MASTL: variants seen among roughly 807,000 people sequenced by gnomAD.
MASTL encodes the protein serine/threonine-protein kinase greatwall.
Under a neutral mutation model 82.5 loss-of-function variants are expected in MASTL, and 54 were observed. The ratio of observed to expected loss-of-function variants is 0.65; its 90% CI spans 0.53 to 0.82. The LOEUF is 0.82. MASTL is among the 40% of genes least tolerant of loss of function. The probability of loss-of-function intolerance (pLI) is 0.00; values close to 1 mark genes in which losing one functional copy is unlikely to be tolerated. For synonymous variants in MASTL, 323 were observed against 368.9 expected (o/e 0.88, Z 1.43); for missense variants, 950 against 1,047.8 (o/e 0.91, Z 1.29).
chr10:27,159,802 A>C lies in MASTL; in HGVS notation c.464+44A>C. On this transcript the variant is annotated intron_variant, in intron 3 of 11. Coordinates refer to ENST00000375940, the MANE Select transcript of MASTL (RefSeq NM_001172303.3). The surrounding 1 kb of genome is among the most constrained non-coding windows in gnomAD (Gnocchi z 4.0). ...AAATTATTACTTAAAAATTCAAGTAATCAAATTACATATTTGAGTCTCAGA... is the reference window on the plus strand; with the variant it reads ...AAATTATTACTTAAAAATTCAAGTACTCAAATTACATATTTGAGTCTCAGA... The C allele has an allele frequency of 6.6e-7, 1 of 1,526,364 alleles. No individual in the cohort carries two copies. The highest frequency in any genetic ancestry group is 9.1e-7 in the Non-Finnish European group (1 of 1,103,352). The allele number at this position is 1,526,364 out of a possible 1,614,324, so 94.6% of individuals were successfully genotyped here.
At chr10:27,168,721 G>C (rs2057818249) in intron 7 of MASTL, among the ~76,000 whole-genome samples, 1 of 152,080 alleles carries the variant, frequency 6.6e-6, no homozygotes, top group African/African-American at 2.4e-5. Context: ...GGAGGCTGAG[G>C]CAGGAGAATT....
chr10:27,179,888 TAGTC>T (rs2058218564), intron 9 of MASTL, among the ~76,000 whole-genome samples: 2 of 152,214 alleles, frequency 1.3e-5, no homozygotes, highest in Admixed American at 6.5e-5. Context: ...AATTGAGTAG[TAGTC>T]TGCCTATTTT....
At chr10:27,181,376 A>G in intron 10 of MASTL, 104 bp from the exon 11 acceptor site, 1 of 841,092 alleles carries the variant, frequency 1.2e-6, no homozygotes, top group South Asian at 1.4e-5. Context: ...GGGTGACAAG[A>G]GTGAAACTCC....
chr10:27,165,010 C>T, intron 4 of MASTL, 54 bp from the exon 5 acceptor site: 1 of 1,112,016 alleles, frequency 9.0e-7, no homozygotes, highest in Admixed American at 1.7e-5. Context: ...CATTTTTAGT[C>T]AATGGGAGGT....
rs142563358 is a variant in MASTL at position 27,170,336 on chromosome 10, A to G, written c.1377A>G (p.Ile459Met). ...ACTCCAGTCCTTGTAAAAAAATTAT[A>G]CAGAATAAAAAAACTTGTGTAGAGT... The part of the protein sequence containing the change: ...LVDSSPCKKI[I>M]QNKKTCVEYK... The change falls in exon 8 of 12, where the codon ATA becomes ATG. Residue 459 changes from isoleucine to methionine, a missense_variant. Transcript: ENST00000375940. The G allele has an allele frequency of 1.9e-6, 3 of 1,613,480 alleles. No individual in the cohort carries two copies. The African/African-American group carries it at 4.0e-5, about 22-fold the overall frequency.
chr10:27,162,640 GC>G (rs1348048323), intron 4 of MASTL, among the ~76,000 whole-genome samples: 1 of 151,970 alleles, frequency 6.6e-6, no homozygotes, highest in Non-Finnish European at 1.5e-5. Context: ...CTGCACTCTA[GC>G]CTGGGGGACA....
intron 10 of MASTL, 132 bp from the exon 11 acceptor site, chr10:27,181,348 G>A (rs957971690): frequency 3.0e-5 from 21 of 703,428 alleles, no homozygotes; most frequent in Admixed American, 2.1e-5. Flanking sequence ...CTGAGATCAC[G>A]CTTTTGCACT....
chr10:27,169,521 G>T (rs2057849043), intron 7 of MASTL, among the ~76,000 whole-genome samples: 1 of 150,158 alleles, frequency 6.7e-6, no homozygotes, highest in African/African-American at 2.5e-5. Flanking sequence ...AGTGAGCTGA[G>T]ATCGCACCAC....
chr10:27,168,447 C>A (rs992434408), intron 7 of MASTL, among the ~76,000 whole-genome samples: 2 of 152,146 alleles, frequency 1.3e-5, no homozygotes, highest in Admixed American at 6.6e-5. Context: ...GATAAGGCAC[C>A]CTCTGAAAAA....
chr10:27,166,301 A>C (rs897997762), intron 6 of MASTL, among the ~76,000 whole-genome samples: 4 of 152,220 alleles, frequency 2.6e-5, no homozygotes, highest in Non-Finnish European at 2.9e-5. Context: ...GTAAGCGCAT[A>C]AACCTCAGTG....
At chr10:27,168,833 G>A (rs2057824383) in intron 7 of MASTL, among the ~76,000 whole-genome samples, 1 of 151,992 alleles carries the variant, frequency 6.6e-6, no homozygotes, top group African/African-American at 2.4e-5. Flanking sequence ...CTTTTTGCTT[G>A]AGACTAAATG....
chr10:27,171,721 C>T (rs2136083435), intron 8 of MASTL, among the ~76,000 whole-genome samples: 1 of 151,918 alleles, frequency 6.6e-6, no homozygotes, highest in East Asian at 1.9e-4. Flanking sequence ...GTGTGAGCCA[C>T]CTCACCTGGC....
In MASTL at chr10:27,155,361, C is replaced by T. The variant is rs2057317031; in HGVS notation, c.-66C>T. On this transcript the variant is annotated 5_prime_UTR_variant, in exon 1 of 12. Transcript: ENST00000375940. ...GCGTGGGCGGAGCCTCACTTTGAAC[C>T]CAGTTGGCGGGAGTGGCTGCTCGCG... 16 of 1,488,318 alleles carry T rather than the reference C, an allele frequency of 1.1e-5. No homozygotes were observed. Among genetic ancestry groups the T allele is most frequent in the Non-Finnish European group, 1.4e-5 (16 of 1,103,698 alleles). 92.2% of individuals were successfully genotyped at this position (1,488,318 alleles called of 1,614,324 possible).
chr10:27,163,005 C>G (rs1343582466), intron 4 of MASTL, among the ~76,000 whole-genome samples: 2 of 151,992 alleles, frequency 1.3e-5, no homozygotes, highest in Non-Finnish European at 2.9e-5. Flanking sequence ...CAACATCCAC[C>G]TCCCGGGTTC....
chr10:27,155,496 A>C lies in MASTL; in HGVS notation c.70A>C (p.Ile24Leu). The C allele has an allele frequency of 6.2e-7, 1 of 1,614,194 alleles. No individual in the cohort carries two copies. The highest frequency in any genetic ancestry group is 1.1e-5 in the South Asian group (1 of 91,090). ...GGCGACTGAGGAGGGCGTGAATAGG[A>C]TCGCAGTGCCAAAACCGCCCTCCAT... is the stretch of plus-strand genomic sequence containing the variant. ...GAATEEGVNRIAVPKPPSIEE... is the reference protein window; with the variant it reads ...GAATEEGVNRLAVPKPPSIEE... Residue 24 changes from isoleucine (I) to leucine (L), a missense_variant, in exon 1 of 12, where the codon ATC becomes CTC. Transcript: ENST00000375940.
At chr10:27,157,434 A>G (rs1242952072) in intron 1 of MASTL, among the ~76,000 whole-genome samples, 1 of 152,196 alleles carries the variant, frequency 6.6e-6, no homozygotes, top group East Asian at 1.9e-4. Context: ...GATAGGAAAA[A>G]TCATGTTACC....
chr10:27,159,804 C>G lies in MASTL; in HGVS notation c.464+46C>G. On this transcript the variant is annotated intron_variant, in intron 3 of 11. Coordinates refer to ENST00000375940, the MANE Select transcript of MASTL (RefSeq NM_001172303.3). The surrounding 1 kb of genome is among the most constrained non-coding windows in gnomAD (Gnocchi z 4.0). ...ATTATTACTTAAAAATTCAAGTAAT[C>G]AAATTACATATTTGAGTCTCAGATA... is the stretch of plus-strand genomic sequence containing the variant. The G allele has an allele frequency of 6.6e-7, 1 of 1,518,752 alleles. No homozygotes were observed. The highest frequency in any genetic ancestry group is 1.1e-5 in the South Asian group (1 of 88,976). The allele number at this position is 1,518,752 out of a possible 1,614,324, so 94.1% of individuals were successfully genotyped here. A position where few individuals can be genotyped will look rare whatever the true frequency, so the allele number is the denominator to read the frequency against.
At chr10:27,157,094 T>G (rs2057417567) in intron 1 of MASTL, among the ~76,000 whole-genome samples, 1 of 152,066 alleles carries the variant, frequency 6.6e-6, no homozygotes, top group Admixed American at 6.6e-5. Flanking sequence ...TGAGCCACCG[T>G]GCCTGGCCTT....
intron 11 of MASTL, among the ~76,000 whole-genome samples, chr10:27,184,663 T>C (rs538002929): frequency 1.0e-4 from 15 of 144,578 alleles, no homozygotes; most frequent in Non-Finnish European, 1.8e-4. Context: ...CAGGTTCAAG[T>C]GACTCTCCTG....
Sources: gnomAD v4.1 joint callset for allele counts (sites outside exome capture counted in the v4.1 genomes callset) on GRCh38, gnomAD v4.1.1 for gene constraint, Gnocchi (gnomAD v3.1) non-coding constraint, MANE v1.5 for transcripts, NCBI Gene and HGNC (gene_info 2026-07-23, HGNC 2026-07-21) for gene names.